STK33: variants seen among roughly 807,000 people sequenced by gnomAD.
The protein encoded by STK33 is serine/threonine-protein kinase 33.
In STK33, 52 loss-of-function variants were observed where a neutral mutation model predicts 58.0. The observed-to-expected ratio is 0.90, with a 90% CI of 0.72 to 1.13. The LOEUF is 1.13. STK33 is among the 50% of genes most tolerant of loss of function. The pLI is 0.00. For missense variants in STK33, 630 were observed against 604.2 expected (o/e 1.04, Z -0.45); for synonymous variants, 215 against 200.1 (o/e 1.07, Z -0.63).
chr11:8,571,757 C>T (rs1957822335), intron 1 of STK33, among the ~76,000 whole-genome samples: 1 of 150,758 alleles, frequency 6.6e-6, no homozygotes, highest in South Asian at 2.1e-4. Context: ...GGTGTGAACC[C>T]GGGAGGCGGA....
chr11:8,505,876 C>G (rs893791333), intron 1 of STK33, among the ~76,000 whole-genome samples: 6 of 152,214 alleles, frequency 3.9e-5, no homozygotes, highest in African/African-American at 1.4e-4. Context: ...TACTAACTAG[C>G]TGTGAGCCCT....
At chr11:8,574,199 C>T (rs1565398613) in intron 1 of STK33, among the ~76,000 whole-genome samples, 1 of 152,256 alleles carries the variant, frequency 6.6e-6, no homozygotes, top group African/African-American at 2.4e-5. Context: ...TACACGCATA[C>T]ACAAATGAGT....
chr11:8,409,728 T>C (rs918245024), intron 15 of STK33, among the ~76,000 whole-genome samples: 2 of 152,178 alleles, frequency 1.3e-5, no homozygotes, highest in African/African-American at 4.8e-5. Flanking sequence ...CAGGAAAATA[T>C]ATGCAATTTT....
chr11:8,430,561 T>A (rs1413822856), intron 14 of STK33, among the ~76,000 whole-genome samples: 1 of 152,220 alleles, frequency 6.6e-6, no homozygotes, highest in African/African-American at 2.4e-5. Flanking sequence ...AAGTTTGTGC[T>A]GGGCTGTGGG....
intron 1 of STK33, among the ~76,000 whole-genome samples, chr11:8,504,326 G>C (rs1234888311): frequency 6.6e-6 from 1 of 152,166 alleles, no homozygotes; most frequent in African/African-American, 2.4e-5. Context: ...AAGAAGCACA[G>C]AGAGCCCTTT....
At chr11:8,442,943 T>G (rs865991537) in intron 11 of STK33, among the ~76,000 whole-genome samples, 1 of 152,056 alleles carries the variant, frequency 6.6e-6, no homozygotes, top group South Asian at 2.1e-4. Flanking sequence ...AAATCATCAG[T>G]GGTTATGGGT....
At chr11:8,573,621 CTTGTACACAAACG>C in intron 1 of STK33, among the ~76,000 whole-genome samples, 1 of 152,300 alleles carries the variant, frequency 6.6e-6, no homozygotes, top group Admixed American at 6.5e-5. Context: ...CACACAGAAA[CTTGTACACAAACG>C]TTCATAGCAG....
the STK33 span, among the ~76,000 whole-genome samples, chr11:8,342,538 C>T: frequency 3.3e-5 from 5 of 152,230 alleles, no homozygotes; most frequent in African/African-American, 1.2e-4. Context: ...TAGCTAGGTC[C>T]CCTTGAAGGA....
chr11:8,364,859 C>G, the STK33 span, among the ~76,000 whole-genome samples: 4 of 152,154 alleles, frequency 2.6e-5, no homozygotes, highest in African/African-American at 9.7e-5. Context: ...GTTCTTGCAC[C>G]TGTCAACATA....
At chr11:8,453,353 T>A (rs1398596888) in intron 10 of STK33, among the ~76,000 whole-genome samples, 1 of 152,238 alleles carries the variant, frequency 6.6e-6, no homozygotes, top group African/African-American at 2.4e-5. Flanking sequence ...CAAATAATTA[T>A]CCCTGTCAGC....
intron 1 of STK33, among the ~76,000 whole-genome samples, chr11:8,562,475 T>C (rs1310416464): frequency 6.6e-6 from 1 of 151,278 alleles, no homozygotes; most frequent in African/African-American, 2.4e-5. Context: ...CCCCCCACTT[T>C]CAGTGAAATC....
chr11:8,580,293 G>T (rs1485368436), intron 1 of STK33, among the ~76,000 whole-genome samples: 3 of 152,126 alleles, frequency 2.0e-5, no homozygotes, highest in African/African-American at 7.2e-5. Flanking sequence ...CCATAAAAAA[G>T]AATGAGATCC....
intron 1 of STK33, among the ~76,000 whole-genome samples, chr11:8,573,236 T>C (rs1331911466): frequency 6.6e-6 from 1 of 152,186 alleles, no homozygotes; most frequent in Admixed American, 6.5e-5. Flanking sequence ...AAAGAATGTC[T>C]AAAACTCAAC....
intron 1 of STK33, among the ~76,000 whole-genome samples, chr11:8,538,929 C>A (rs1955277109): frequency 6.6e-6 from 1 of 152,198 alleles, no homozygotes; most frequent in African/African-American, 2.4e-5. Context: ...TGAACCACTG[C>A]TATCTGGCCA....
intron 15 of STK33, among the ~76,000 whole-genome samples, chr11:8,393,976 T>C (rs1482812131): frequency 6.6e-6 from 1 of 152,198 alleles, no homozygotes; most frequent in Non-Finnish European, 1.5e-5. Flanking sequence ...GTGTCTGATT[T>C]TATAACCAGT....
chr11:8,492,791 A>T (rs1218649059), intron 1 of STK33, among the ~76,000 whole-genome samples: 1 of 152,222 alleles, frequency 6.6e-6, no homozygotes, highest in Non-Finnish European at 1.5e-5. Context: ...GGATTAAGAA[A>T]CTCACTCAAA....
chr11:8,517,634 G>A (rs892634078), intron 1 of STK33, among the ~76,000 whole-genome samples: 1 of 152,204 alleles, frequency 6.6e-6, no homozygotes, highest in African/African-American at 2.4e-5. Context: ...ACAGTGCAGA[G>A]AAGTCCTTAA....
At chr11:8,470,455 T>A (rs1332689646) in intron 6 of STK33, among the ~76,000 whole-genome samples, 1 of 152,216 alleles carries the variant, frequency 6.6e-6, no homozygotes, top group Admixed American at 6.5e-5. Context: ...TTTCTCCATA[T>A]CAGCAATAAG....
At position 8,457,437 on chromosome 11, in the gene STK33, T is replaced by G. The variant is rs199943275; in HGVS notation, c.601A>C (p.Lys201Gln). The change falls in exon 9 of 16, where the codon AAA becomes CAA. Residue 201 changes from lysine to glutamine, a missense_variant. Transcript: ENST00000687296. ...TGCCCTTTCCTATCCAGAATTTCTTTGAGTTCTCCATCCTCACAAAGCTCC... is the reference window on the plus strand; with the variant it reads ...TGCCCTTTCCTATCCAGAATTTCTTGGAGTTCTCCATCCTCACAAAGCTCC... The part of the protein sequence containing the change: ...VMELCEDGEL[K>Q]EILDRKGHFS... 212 of 1,606,238 alleles carry G rather than the reference T, an allele frequency of 1.3e-4. No individual in the cohort carries two copies. The highest frequency in any genetic ancestry group is 1.7e-4 in the Non-Finnish European group (198 of 1,174,736).
Sources: allele counts gnomAD v4.1 joint callset (sites outside exome capture counted in the v4.1 genomes callset), GRCh38; gene constraint gnomAD v4.1.1; transcripts MANE v1.5; gene names NCBI Gene and HGNC (gene_info 2026-07-23, HGNC 2026-07-21).